Variants in KIRREL3 observed in about 807,000 individuals in gnomAD.
The protein encoded by KIRREL3 is kin of IRRE-like protein 3.
In KIRREL3, 36 loss-of-function variants were observed where a neutral mutation model predicts 89.7. The ratio of observed to expected loss-of-function variants is 0.40; its 90% CI spans 0.31 to 0.53. The LOEUF (loss-of-function observed/expected upper bound fraction) is 0.53. Ranked by LOEUF, KIRREL3 falls within the 20% of genes least tolerant of loss-of-function variation. The probability of loss-of-function intolerance (pLI) is 0.49; values close to 1 mark genes in which losing one functional copy is unlikely to be tolerated. For synonymous variants in KIRREL3, 445 were observed against 441.4 expected (o/e 1.01, Z -0.10); for missense variants, 864 against 1,056.6 (o/e 0.82, Z 2.53).
chr11:126,967,174 C>G (rs1041517938), intron 1 of KIRREL3, among the ~76,000 whole-genome samples: 1 of 152,200 alleles, frequency 6.6e-6, no homozygotes, highest in African/African-American at 2.4e-5. Flanking sequence ...ACACCTGGAG[C>G]AGAGACTGGA....
At chr11:126,663,398 G>T (rs1945513435) in intron 1 of KIRREL3, among the ~76,000 whole-genome samples, 1 of 151,974 alleles carries the variant, frequency 6.6e-6, no homozygotes, top group Non-Finnish European at 1.5e-5. Context: ...TGTTAGCCAG[G>T]ATGGTCTCGA....
At chr11:126,855,311 T>A (rs898897653) in intron 1 of KIRREL3, among the ~76,000 whole-genome samples, 2 of 152,168 alleles carry the variant, frequency 1.3e-5, no homozygotes, top group Admixed American at 1.3e-4. Flanking sequence ...TCTGGTTGTT[T>A]AAAAGTGGGG....
At chr11:126,465,976 T>C (rs887300366) in intron 5 of KIRREL3, among the ~76,000 whole-genome samples, 18 of 152,150 alleles carry the variant, frequency 1.2e-4, no homozygotes, top group African/African-American at 4.3e-4. Context: ...CTTCTTCTCT[T>C]CTTTACATTT....
At chr11:126,638,951 A>G (rs1944367755) in intron 1 of KIRREL3, among the ~76,000 whole-genome samples, 9 of 152,146 alleles carry the variant, frequency 5.9e-5, no homozygotes, top group Admixed American at 5.9e-4. Flanking sequence ...TTTGCTTACC[A>G]CTGCATCCCC....
chr11:126,758,225 C>T (rs934687438), intron 1 of KIRREL3, among the ~76,000 whole-genome samples: 1 of 152,202 alleles, frequency 6.6e-6, no homozygotes, highest in Non-Finnish European at 1.5e-5. Context: ...GAATCTTTCT[C>T]AATTAGCTAT....
At chr11:126,556,363 G>A (rs1373392945) in intron 2 of KIRREL3, among the ~76,000 whole-genome samples, 2 of 152,180 alleles carry the variant, frequency 1.3e-5, no homozygotes, top group Non-Finnish European at 2.9e-5. Context: ...AACTTTGGCT[G>A]GGTGCAGAGG....
intron 1 of KIRREL3, among the ~76,000 whole-genome samples, chr11:126,921,553 ATATC>A (rs57368439): frequency 0.29 from 36,124 of 125,212 alleles, 7,085 homozygotes; most frequent in Middle Eastern, 0.56. Context: ...CTTTCTATCT[ATATC>A]TATCAATCTA....
intron 1 of KIRREL3, among the ~76,000 whole-genome samples, chr11:126,803,174 C>T (rs1252566213): frequency 2.0e-5 from 3 of 152,166 alleles, no homozygotes; most frequent in African/African-American, 7.2e-5. Flanking sequence ...TATGCTCCAG[C>T]AGTGGCAGGC....
chr11:126,543,064 G>A (rs532996594), intron 2 of KIRREL3, among the ~76,000 whole-genome samples: 24 of 152,066 alleles, frequency 1.6e-4, no homozygotes, highest in Non-Finnish European at 3.4e-4. Flanking sequence ...CAAGCCAGAT[G>A]TCCCCCGTGA....
chr11:126,954,682 T>A lies in KIRREL3; in HGVS notation c.55+45773A>T, dbSNP rs1829020713. 6.6e-6 allele frequency among the ~76,000 whole-genome samples: 1 copy of A among 152,188 alleles called. No individual in the cohort carries two copies. The highest frequency in any genetic ancestry group is 1.5e-5 in the Non-Finnish European group (1 of 68,042). ...CTAGGAAGCACCCTTAGAGGTCATC[T>A]AGTAGAATATCACAGGCAGTTCATT... On this transcript the variant is annotated intron_variant, in intron 1 of 16. Transcript: ENST00000525144. This position sits in a 1 kb window ranked among gnomAD's most constrained non-coding sequence, Gnocchi z 4.1.
At chr11:126,856,555 GTATATATATATATATATATATA>G (rs36218965) in intron 1 of KIRREL3, among the ~76,000 whole-genome samples, 80,821 of 136,806 alleles carry the variant, frequency 0.59, 24,771 homozygotes, top group African/African-American at 0.76. Context: ...ATTTTTCTAA[GTATATATATATATATATATATA>G]TATATATATA....
Position 126,620,636 on chromosome 11 carries a change from A to G in KIRREL3, c.56-57724T>C. 6.6e-6 allele frequency among the ~76,000 whole-genome samples: 1 copy of G among 152,172 alleles called. No individual in the cohort carries two copies. The highest frequency in any genetic ancestry group is 1.9e-4 in the East Asian group (1 of 5,180). ...CCACTGCCCTAGGAAGTTAAATCAAAGGATTTCTCTACTAAGCAGATGTTA... is the reference window on the plus strand; with the variant it reads ...CCACTGCCCTAGGAAGTTAAATCAAGGGATTTCTCTACTAAGCAGATGTTA... On this transcript the variant is annotated intron_variant, in intron 1 of 16. Coordinates refer to ENST00000525144, the MANE Select transcript of KIRREL3 (RefSeq NM_032531.4). The surrounding 1 kb of genome is among the most constrained non-coding windows in gnomAD (Gnocchi z 4.8).
Position 126,696,090 on chromosome 11 carries a change from C to G in KIRREL3, c.56-133178G>C, listed in dbSNP as rs146549722. On this transcript the variant is annotated intron_variant, in intron 1 of 16. Coordinates refer to ENST00000525144, the MANE Select transcript of KIRREL3 (RefSeq NM_032531.4). This position sits in a 1 kb window ranked among gnomAD's most constrained non-coding sequence, Gnocchi z 4.4. Reference sequence around the variant, plus strand: ...CCAACATGGTGAAACCCCATCTCTACTAAAAATACAAAAAAAATTAGCCTG... The same window carrying G: ...CCAACATGGTGAAACCCCATCTCTAGTAAAAATACAAAAAAAATTAGCCTG... 6.6e-6 allele frequency among the ~76,000 whole-genome samples: 1 copy of G among 151,786 alleles called. No homozygotes were observed. Among genetic ancestry groups the G allele is most frequent in the Non-Finnish European group, 1.5e-5 (1 of 67,950 alleles).
At chr11:126,979,487 T>C (rs1425708862) in intron 1 of KIRREL3, among the ~76,000 whole-genome samples, 2 of 152,354 alleles carry the variant, frequency 1.3e-5, no homozygotes, top group African/African-American at 4.8e-5. Flanking sequence ...CCCAGAGCAC[T>C]GAAGCCTGAC....
intron 1 of KIRREL3, among the ~76,000 whole-genome samples, chr11:126,690,329 G>C (rs2135129726): frequency 6.6e-6 from 1 of 151,324 alleles, no homozygotes; most frequent in East Asian, 1.9e-4. Context: ...TTGGCTCCAG[G>C]GAATGTTTGA....
At chr11:126,777,345 G>A (rs1950197208) in intron 1 of KIRREL3, among the ~76,000 whole-genome samples, 1 of 152,136 alleles carries the variant, frequency 6.6e-6, no homozygotes, top group Admixed American at 6.5e-5. Flanking sequence ...GGCAGGTCTA[G>A]GGAACAGTGA....
rs1949226901 is a variant in KIRREL3, at chr11:126,748,468, T to C, written c.56-185556A>G. ...TCTTGAGCTTGCCTACGGCGAGAAT[T>C]ATTCCCAGCAGGCGTTTCAGGCCAT... is the stretch of plus-strand genomic sequence containing the variant. On this transcript the variant is annotated intron_variant, in intron 1 of 16. Transcript: ENST00000525144. This position sits in a 1 kb window ranked among gnomAD's most constrained non-coding sequence, Gnocchi z 4.6. Among the ~76,000 whole-genome samples the C allele has an allele frequency of 1.3e-5, 2 of 152,234 alleles. No individual in the cohort carries two copies. The highest frequency in any genetic ancestry group is 6.5e-5 in the Admixed American group (1 of 15,288).
At chr11:126,874,636 A>G (rs1690726068) in intron 1 of KIRREL3, among the ~76,000 whole-genome samples, 1 of 152,212 alleles carries the variant, frequency 6.6e-6, no homozygotes, top group Admixed American at 6.5e-5. Flanking sequence ...AATTAGCCAT[A>G]TGGGCCTGGG....
At chr11:126,852,571 T>C (rs959284797) in intron 1 of KIRREL3, among the ~76,000 whole-genome samples, 1 of 152,184 alleles carries the variant, frequency 6.6e-6, no homozygotes, top group Non-Finnish European at 1.5e-5. Flanking sequence ...GCATTGTGAC[T>C]CCAAAGCTTG....
Sources: gnomAD v4.1 joint callset for allele counts (sites outside exome capture counted in the v4.1 genomes callset) on GRCh38, gnomAD v4.1.1 for gene constraint, Gnocchi (gnomAD v3.1) non-coding constraint, MANE v1.5 for transcripts, NCBI Gene and HGNC (gene_info 2026-07-23, HGNC 2026-07-21) for gene names.